The following COL23A1 variants were observed in gnomAD, a reference collection of about 807,000 sequenced individuals.
COL23A1 encodes the protein collagen type XXIII alpha 1 chain.
COL23A1 carries 97 observed loss-of-function variants against 99.3 expected under a neutral mutation model. The ratio of observed to expected loss-of-function variants is 0.98; its 90% CI spans 0.83 to 1.16. COL23A1 has a LOEUF of 1.16. COL23A1 is among the 50% of genes most tolerant of loss of function. The pLI is 0.00. For synonymous variants in COL23A1, 320 were observed against 308.2 expected, an observed-to-expected ratio of 1.04 and a Z score of -0.40; for missense variants, 762 against 757.4, an observed-to-expected ratio of 1.01 and a Z score of -0.07.
At chr5:178,266,137 T>A (rs1755882628) in intron 8 of COL23A1, among the ~76,000 whole-genome samples, 1 of 151,874 alleles carries the variant, frequency 6.6e-6, no homozygotes, top group Admixed American at 6.6e-5. Flanking sequence ...GCCTCCTGGG[T>A]TCAAGCAATT....
At chr5:178,522,428 T>C (rs2546644) in intron 2 of COL23A1, among the ~76,000 whole-genome samples, 135,136 of 152,154 alleles carry the variant, frequency 0.89, 60,138 homozygotes, top group East Asian at 0.95. Flanking sequence ...TACCACACCC[T>C]AGGACCGGGG....
intron 2 of COL23A1, among the ~76,000 whole-genome samples, chr5:178,455,893 G>A (rs892126909): frequency 1.3e-5 from 2 of 152,180 alleles, no homozygotes; most frequent in African/African-American, 4.8e-5. Context: ...TTAACTTAAT[G>A]AATAATTCTC....
At chr5:178,456,912 T>C (rs1295328734) in intron 2 of COL23A1, among the ~76,000 whole-genome samples, 1 of 152,186 alleles carries the variant, frequency 6.6e-6, no homozygotes, top group Non-Finnish European at 1.5e-5. Flanking sequence ...AATGGAACTA[T>C]AACCGTCCAA....
intron 2 of COL23A1, among the ~76,000 whole-genome samples, chr5:178,385,375 G>A (rs983855214): frequency 6.6e-6 from 1 of 152,136 alleles, no homozygotes; most frequent in Non-Finnish European, 1.5e-5. Context: ...AGGCCCACAC[G>A]TCTTCATGTC....
intron 2 of COL23A1, among the ~76,000 whole-genome samples, chr5:178,548,982 G>C (rs1270128731): frequency 6.6e-6 from 1 of 152,046 alleles, no homozygotes; most frequent in Non-Finnish European, 1.5e-5. Flanking sequence ...GACTAGACCT[G>C]CAAGCATCCA....
chr5:178,585,754 G>GA (rs1562115809), intron 1 of COL23A1, among the ~76,000 whole-genome samples: 4 of 6,960 alleles, frequency 5.7e-4, no homozygotes, highest in Non-Finnish European at 8.0e-4. Flanking sequence ...GACCCTGTTG[G>GA]TTGCTCCCCA....
chr5:178,356,315 G>A (rs1270561358), intron 2 of COL23A1, among the ~76,000 whole-genome samples: 12 of 152,210 alleles, frequency 7.9e-5, no homozygotes. Flanking sequence ...TGAAAACCAC[G>A]AGTGGTGCAC....
chr5:178,279,181 G>C (rs926203325), intron 5 of COL23A1, among the ~76,000 whole-genome samples: 2 of 152,178 alleles, frequency 1.3e-5, no homozygotes, highest in African/African-American at 4.8e-5. Context: ...CTGTACCCCT[G>C]GCCTGGCATT....
At chr5:178,560,880 C>T (rs1232352174) in intron 1 of COL23A1, 132 bp from the exon 2 acceptor site, 8 of 807,172 alleles carry the variant, frequency 9.9e-6, no homozygotes, top group Non-Finnish European at 1.4e-5. Flanking sequence ...TCTGTGAGAC[C>T]ATCTCTCAAA....
chr5:178,519,524 T>G (rs974903514), intron 2 of COL23A1, among the ~76,000 whole-genome samples: 2 of 152,220 alleles, frequency 1.3e-5, no homozygotes, highest in African/African-American at 4.8e-5. Context: ...GGGCCCTGTG[T>G]GGTCTGATCT....
chr5:178,405,177 C>T (rs956353148), intron 2 of COL23A1, among the ~76,000 whole-genome samples: 4 of 152,360 alleles, frequency 2.6e-5, no homozygotes, highest in Admixed American at 2.0e-4. Context: ...GTGTCTGGTT[C>T]TGTGTTTGCT....
chr5:178,590,216 G>T lies in COL23A1; in HGVS notation c.-19C>A. 8.3e-7 allele frequency: 1 copy of T among 1,210,804 alleles called. No homozygotes were observed. Among genetic ancestry groups the T allele is most frequent in the Non-Finnish European group, 1.0e-6 (1 of 975,104 alleles). The allele number at this position is 1,210,804 out of a possible 1,614,324, so 75.0% of individuals were successfully genotyped here. A position where few individuals can be genotyped will look rare whatever the true frequency, so the allele number is the denominator to read the frequency against. Reference sequence around the variant, plus strand: ...GGCCCATGGCGCGTTCGTCGCGCGTGGACTCTCCGAGGGGGCGGTGCTGCT... The same window carrying T: ...GGCCCATGGCGCGTTCGTCGCGCGTTGACTCTCCGAGGGGGCGGTGCTGCT... On this transcript the variant is annotated 5_prime_UTR_variant, in exon 1 of 29. Coordinates refer to ENST00000390654, the MANE Select transcript of COL23A1 (RefSeq NM_173465.4). This position sits in a 1 kb window ranked among gnomAD's most constrained non-coding sequence, Gnocchi z 5.7.
At chr5:178,268,152 A>G (rs1005321470) in intron 7 of COL23A1, among the ~76,000 whole-genome samples, 8 of 152,198 alleles carry the variant, frequency 5.3e-5, no homozygotes, top group African/African-American at 1.7e-4. Flanking sequence ...GGGGGTGGAC[A>G]TGGTCCAGCT....
intron 2 of COL23A1, among the ~76,000 whole-genome samples, chr5:178,475,084 C>T (rs541363960): frequency 6.6e-6 from 1 of 152,168 alleles, no homozygotes; most frequent in African/African-American, 2.4e-5. Context: ...TCTGTCTCTG[C>T]GTCTAAATTT....
At chr5:178,529,245 A>G (rs1000646750) in intron 2 of COL23A1, among the ~76,000 whole-genome samples, 4 of 152,008 alleles carry the variant, frequency 2.6e-5, no homozygotes, top group Non-Finnish European at 5.9e-5. Flanking sequence ...GAGGACAACC[A>G]TAATGAGCAA....
chr5:178,546,366 C>T (rs887710969), intron 2 of COL23A1, among the ~76,000 whole-genome samples: 2 of 152,194 alleles, frequency 1.3e-5, no homozygotes, highest in Non-Finnish European at 2.9e-5. Flanking sequence ...CCACTTTTGT[C>T]TAGATAGGCA....
At chr5:178,585,205 C>G (rs932770311) in intron 1 of COL23A1, among the ~76,000 whole-genome samples, 3 of 152,134 alleles carry the variant, frequency 2.0e-5, no homozygotes, top group Admixed American at 6.5e-5. Flanking sequence ...AGAACTTAGG[C>G]GGGCCAGTGG....
intron 2 of COL23A1, among the ~76,000 whole-genome samples, chr5:178,402,337 C>G (rs373923838): frequency 2.0e-5 from 3 of 151,898 alleles, no homozygotes; most frequent in African/African-American, 7.3e-5. Context: ...AAAACAGAGA[C>G]ACAGAAAAAC....
intron 2 of COL23A1, among the ~76,000 whole-genome samples, chr5:178,440,830 C>T (rs899022098): frequency 3.3e-5 from 5 of 151,956 alleles, no homozygotes; most frequent in South Asian, 4.2e-4. Flanking sequence ...TTGGCCAGGC[C>T]GGTCTCGGAC....
Sources: allele counts gnomAD v4.1 joint callset (sites outside exome capture counted in the v4.1 genomes callset), GRCh38; gene constraint gnomAD v4.1.1; non-coding constraint Gnocchi (gnomAD v3.1); transcripts MANE v1.5; gene names NCBI Gene and HGNC (gene_info 2026-07-23, HGNC 2026-07-21).